ARHGAP35: variants seen among roughly 807,000 people sequenced by gnomAD.
The protein encoded by ARHGAP35 is Rho GTPase activating protein 35, also known as rho GTPase-activating protein 35.
Under a neutral mutation model 111.1 loss-of-function variants are expected in ARHGAP35, and 15 were observed. The observed-to-expected ratio is 0.13, with a 90% confidence interval of 0.09 to 0.21. The LOEUF (loss-of-function observed/expected upper bound fraction) is 0.21. Ranked by LOEUF, ARHGAP35 falls within the 10% of genes least tolerant of loss-of-function variation. The pLI is 1.00. For synonymous variants in ARHGAP35, 643 were observed against 710.3 expected, an observed-to-expected ratio of 0.91 and a Z score of 1.51; for missense variants, 1,262 against 1,873.0, an observed-to-expected ratio of 0.67 and a Z score of 6.02.
chr19:46,900,742 C>T (rs1191255058), intron 1 of ARHGAP35, among the ~76,000 whole-genome samples: 1 of 150,106 alleles, frequency 6.7e-6, no homozygotes, highest in Non-Finnish European at 1.5e-5. Context: ...TTGGAGTTAA[C>T]AATTTAATGA....
chr19:46,914,446 AAATAAT>A (rs145247020), intron 1 of ARHGAP35, among the ~76,000 whole-genome samples: 1 of 151,762 alleles, frequency 6.6e-6, no homozygotes, highest in Non-Finnish European at 1.5e-5. Flanking sequence ...CCCCATTTCT[AAATAAT>A]AATAATAATA....
rs766078814 is a variant in ARHGAP35, at chr19:47,000,940, A to G, written c.*252A>G. Reference sequence around the variant, plus strand: ...ACTGAACTAGGCAGGCAATGGCTCCAGTGCCCTCCCTCTGTTCCCTGGACC... The same window carrying G: ...ACTGAACTAGGCAGGCAATGGCTCCGGTGCCCTCCCTCTGTTCCCTGGACC... On this transcript the variant is annotated 3_prime_UTR_variant, in exon 7 of 7. Coordinates refer to ENST00000672722, the MANE Select transcript of ARHGAP35 (RefSeq NM_004491.5). The surrounding 1 kb of genome is among the most constrained non-coding windows in gnomAD (Gnocchi z 6.9). The G allele has an allele frequency of 1.3e-6, 2 of 1,524,600 alleles. No individual in the cohort carries two copies. Among genetic ancestry groups the G allele is most frequent in the South Asian group, 2.4e-5 (2 of 83,110 alleles). 94.4% of individuals were successfully genotyped at this position (1,524,600 alleles called of 1,614,324 possible).
chr19:46,996,613 G>C (rs1388140609), intron 5 of ARHGAP35, among the ~76,000 whole-genome samples: 1 of 152,170 alleles, frequency 6.6e-6, no homozygotes, highest in Non-Finnish European at 1.5e-5. Context: ...ACCACTCGAT[G>C]CCTAATTAAG....
Position 46,920,306 on chromosome 19 carries a change from T to C in ARHGAP35, c.1631T>C (p.Ile544Thr). ...CTCCAAGCAGAGCGTGATGCCCTTA[T>C]TCTGAAACACATTCATTTTGTGTAC... ...QKLQAERDAL[I>T]LKHIHFVYHP... is the part of the protein sequence containing the mutation. The change falls in exon 2 of 7, where the codon ATT becomes ACT. Residue 544 changes from isoleucine to threonine, a missense_variant. This residue lies in a region of ARHGAP35 where 328 missense variants were observed against 440.8 expected (regional missense o/e 0.74). Coordinates refer to ENST00000672722, the MANE Select transcript of ARHGAP35 (RefSeq NM_004491.5). This position sits in a 1 kb window ranked among gnomAD's most constrained non-coding sequence, Gnocchi z 7.0. 1 of 1,614,018 alleles carries C rather than the reference T, an allele frequency of 6.2e-7. No homozygotes were observed. The highest frequency in any genetic ancestry group is 8.5e-7 in the Non-Finnish European group (1 of 1,179,900).
chr19:46,904,712 G>GA (rs2056096894), intron 1 of ARHGAP35, among the ~76,000 whole-genome samples: 1 of 152,230 alleles, frequency 6.6e-6, no homozygotes. Flanking sequence ...GGATGAGAGT[G>GA]AAACAGCAGG....
intron 1 of ARHGAP35, among the ~76,000 whole-genome samples, chr19:46,879,178 C>G (rs2055943466): frequency 6.6e-6 from 1 of 152,164 alleles, no homozygotes; most frequent in Non-Finnish European, 1.5e-5. Flanking sequence ...CTGGGCGGGC[C>G]AGGCACGGTG....
intron 3 of ARHGAP35, among the ~76,000 whole-genome samples, chr19:46,962,257 G>A (rs1351352620): frequency 1.3e-5 from 2 of 152,214 alleles, no homozygotes; most frequent in Non-Finnish European, 2.9e-5. Context: ...GAACCCAGGA[G>A]TTGAAGAGAT....
chr19:46,890,944 T>C (rs2056020688), intron 1 of ARHGAP35, among the ~76,000 whole-genome samples: 1 of 152,186 alleles, frequency 6.6e-6, no homozygotes, highest in African/African-American at 2.4e-5. Flanking sequence ...GAAGAGCAGA[T>C]GGAAATGATT....
At chr19:46,941,721 G>A (rs148809609) in intron 3 of ARHGAP35, among the ~76,000 whole-genome samples, 3,000 of 150,886 alleles carry the variant, frequency 0.02, 109 homozygotes, top group African/African-American at 0.068. Context: ...CACCATGTCT[G>A]GCTAATTTTT....
intron 3 of ARHGAP35, among the ~76,000 whole-genome samples, chr19:46,954,428 A>G (rs79419272): frequency 2.6e-5 from 4 of 152,362 alleles, no homozygotes; most frequent in Non-Finnish European, 5.9e-5. Context: ...AGAAATGGGA[A>G]TTGAGGCAAC....
At chr19:46,934,850 T>C (rs1489578363) in intron 2 of ARHGAP35, among the ~76,000 whole-genome samples, 1 of 151,774 alleles carries the variant, frequency 6.6e-6, no homozygotes, top group African/African-American at 2.4e-5. Context: ...TTTTTGTATT[T>C]TTTGTAGAGA....
At chr19:46,951,562 T>C (rs77138297) in intron 3 of ARHGAP35, among the ~76,000 whole-genome samples, 3,880 of 152,262 alleles carry the variant, frequency 0.025, 127 homozygotes, top group African/African-American at 0.068. Context: ...TCTCCATTGT[T>C]AGTTTCCTTG....
At chr19:46,880,190 C>T (rs548683601) in intron 1 of ARHGAP35, among the ~76,000 whole-genome samples, 8 of 152,094 alleles carry the variant, frequency 5.3e-5, no homozygotes, top group Admixed American at 1.3e-4. Context: ...CCCAACACTT[C>T]GGGAGGCTGA....
intron 1 of ARHGAP35, among the ~76,000 whole-genome samples, chr19:46,899,142 A>G (rs189104745): frequency 2.7e-4 from 41 of 152,260 alleles, no homozygotes; most frequent in African/African-American, 9.9e-4. Flanking sequence ...TGCTTGGGTG[A>G]TGCATTTCTC....
At chr19:46,955,546 A>G (rs956564810) in intron 3 of ARHGAP35, among the ~76,000 whole-genome samples, 3 of 152,164 alleles carry the variant, frequency 2.0e-5, no homozygotes, top group African/African-American at 7.2e-5. Context: ...TTTATGTTTC[A>G]TATATACCTT....
chr19:46,901,483 G>A lies in ARHGAP35; in HGVS notation c.-188-17005G>A, dbSNP rs749554017. ...TGGAGCAGGAGAATCACTTGAACCCGGGAGGCAGAGGTTGCAGTGAGCCGA... is the reference window on the plus strand; with the variant it reads ...TGGAGCAGGAGAATCACTTGAACCCAGGAGGCAGAGGTTGCAGTGAGCCGA... On this transcript the variant is annotated intron_variant, in intron 1 of 6. Coordinates refer to ENST00000672722, the MANE Select transcript of ARHGAP35 (RefSeq NM_004491.5). The surrounding 1 kb of genome is among the most constrained non-coding windows in gnomAD (Gnocchi z 4.5). 4.6e-5 allele frequency among the ~76,000 whole-genome samples: 7 copies of A among 152,158 alleles called. No homozygotes were observed. Among genetic ancestry groups the A allele is most frequent in the Non-Finnish European group, 1.0e-4 (7 of 68,028 alleles).
At position 46,922,140 on chromosome 19, in the gene ARHGAP35, A is replaced by G. The variant is rs1331389944; in HGVS notation, c.3465A>G (p.Pro1155=). 1.2e-6 allele frequency: 2 copies of G among 1,614,048 alleles called. No individual in the cohort carries two copies. The highest frequency in any genetic ancestry group is 1.7e-6 in the Non-Finnish European group (2 of 1,179,902). ...GCAAGGTTTCCATCGTGAGCAAGCCAGTGCTGTACAGGACGAGATGCACCC... is the reference window on the plus strand; with the variant it reads ...GCAAGGTTTCCATCGTGAGCAAGCCGGTGCTGTACAGGACGAGATGCACCC... ...RGRKVSIVSK[P]VLYRTRCTRL... Residue 1155 remains proline, a synonymous_variant, in exon 2 of 7, where the codon CCA becomes CCG. Transcript: ENST00000672722. The surrounding 1 kb of genome is among the most constrained non-coding windows in gnomAD (Gnocchi z 4.0).
At position 46,978,040 on chromosome 19, in the gene ARHGAP35, G is replaced by T. The variant is rs1346043728; in HGVS notation, c.3827-9949G>T. Among the ~76,000 whole-genome samples, 6 of 152,322 alleles carry T rather than the reference G, an allele frequency of 3.9e-5. No individual in the cohort carries two copies. The East Asian group carries it at 1.2e-3, about 29-fold the overall frequency. On this transcript the variant is annotated intron_variant, in intron 3 of 6. Coordinates refer to ENST00000672722, the MANE Select transcript of ARHGAP35 (RefSeq NM_004491.5). ...TCACAGAACAGAGGTAAAAGTGGAA[G>T]GAACAACTGTAGGGAGGCCCTGCAA...
At chr19:46,861,708 A>G (rs1461897937) in intron 1 of ARHGAP35, among the ~76,000 whole-genome samples, 1 of 150,886 alleles carries the variant, frequency 6.6e-6, no homozygotes, top group African/African-American at 2.4e-5. Context: ...TTCTGCTCTC[A>G]CCACCCTTCA....
Sources: gnomAD v4.1 joint callset for allele counts (sites outside exome capture counted in the v4.1 genomes callset) on GRCh38, gnomAD v4.1.1 for gene constraint, gnomAD v4.1.1 regional missense constraint, Gnocchi (gnomAD v3.1) non-coding constraint, MANE v1.5 for transcripts, NCBI Gene and HGNC (gene_info 2026-07-23, HGNC 2026-07-21) for gene names.